The following ACTR8 variants were observed in gnomAD, a reference collection of about 807,000 sequenced individuals.
The protein encoded by ACTR8 is actin related protein 8.
Under a neutral mutation model 84.3 loss-of-function variants are expected in ACTR8, and 70 were observed. That is an observed-to-expected ratio of 0.83 (90% CI 0.68 to 1.01). ACTR8 has a LOEUF of 1.01. ACTR8 is among the 50% of genes least tolerant of loss of function. The pLI, the probability that ACTR8 is intolerant of heterozygous loss-of-function variation, is 0.00. For synonymous variants in ACTR8, 268 were observed against 275.2 expected, an observed-to-expected ratio of 0.97 and a Z score of 0.26; for missense variants, 672 against 775.4, an observed-to-expected ratio of 0.87 and a Z score of 1.58.
rs150705422 is a variant in ACTR8, at chr3:53,874,217, T to C, written c.1059A>G (p.Leu353=). 58 of 1,612,948 alleles carry C rather than the reference T, an allele frequency of 3.6e-5. No individual in the cohort carries two copies. Among genetic ancestry groups the C allele is most frequent in the Non-Finnish European group, 4.6e-5 (54 of 1,179,650 alleles). ...ATATTGATTCTGCTCCCACCTGATC[T>C]AAATGACAAAAAGTTTCTTTAAGGT... ...LQHLKETFCH[L]DQDISGLQDH... Residue 353 remains leucine, a synonymous_variant, in exon 8 of 13, where the codon TTA becomes TTG. Transcript: ENST00000335754.
At chr3:53,859,673 T>G in the ACTR8 span, 1 of 153,958 alleles carries the variant, frequency 6.5e-6, no homozygotes, top group South Asian at 2.0e-4. Flanking sequence ...TAGTTCCTAC[T>G]GTGAAAATGC....
chr3:53,865,645 G>C (rs534304389), downstream of ACTR8: 77 of 190,518 alleles, frequency 4.0e-4, no homozygotes, highest in African/African-American at 1.7e-3. Context: ...GAACTGTTTA[G>C]CTAATATTCT....
downstream of ACTR8, among the ~76,000 whole-genome samples, chr3:53,866,729 C>T (rs751136315): frequency 2.9e-4 from 44 of 152,318 alleles, no homozygotes; most frequent in Middle Eastern, 0.01. Flanking sequence ...GATCCACCCA[C>T]CTCAGCCTCT....
Position 53,871,381 on chromosome 3 carries a change from A to G in ACTR8, c.1418T>C (p.Leu473Ser). The change falls in exon 11 of 13, where the codon TTG (leucine) becomes TCG (serine). Residue 473 changes from leucine to serine, a missense_variant. Leu to Ser is a moderately radical substitution (Grantham distance 145, BLOSUM62 -2). Transcript: ENST00000335754. ...CAGGCCATCTCCCTGTGCAGACCCC[A>G]AATCTACCTCCTGGGAATGGAGTCT... ...PERLHSQEVD[L>S]GSAQGDGLMA... 6.2e-7 allele frequency: 1 copy of G among 1,614,222 alleles called. No individual in the cohort carries two copies. Among genetic ancestry groups the G allele is most frequent in the South Asian group, 1.1e-5 (1 of 91,086 alleles).
intron 1 of ACTR8, 37 bp downstream of exon 1, chr3:53,881,942 G>T: frequency 6.4e-7 from 1 of 1,553,728 alleles, no homozygotes; most frequent in African/African-American, 1.4e-5. Context: ...GAGGACCCAA[G>T]CAAGGGCAAA....
At chr3:53,863,815 C>A (rs935065467), downstream of ACTR8, among the ~76,000 whole-genome samples, 1 of 125,042 alleles carries the variant, frequency 8.0e-6, no homozygotes, top group Non-Finnish European at 1.6e-5. Flanking sequence ...TCACACACCT[C>A]AAAGTATTTT....
chr3:53,877,443 C>G, intron 4 of ACTR8, 56 bp from the exon 5 acceptor site: 1 of 1,504,998 alleles, frequency 6.6e-7, no homozygotes, highest in Non-Finnish European at 8.9e-7. Flanking sequence ...TCAAGGTTTT[C>G]TGGATTCATA....
chr3:53,864,076 G>A (rs1699678653), downstream of ACTR8, among the ~76,000 whole-genome samples: 1 of 152,076 alleles, frequency 6.6e-6, no homozygotes, highest in Non-Finnish European at 1.5e-5. Flanking sequence ...ACCAGCCTTG[G>A]CCTCCCAAAG....
Position 53,871,441 on chromosome 3 carries a change from C to A in ACTR8, c.1358G>T (p.Gly453Val), listed in dbSNP as rs1414333115. Residue 453 changes from glycine to valine, a missense_variant, in exon 11 of 13, where the codon GGG (glycine) becomes GTG (valine). Coordinates refer to ENST00000335754, the MANE Select transcript of ACTR8 (RefSeq NM_022899.5). ...ATCAGAGGACTGGCCACGAAGATCC[C>A]CTTCAAATCCAATAGGTTTGGATGC... ...KSASKPIGFE[G>V]DLRGQSSDLP... is the part of the protein sequence containing the mutation. The A allele has an allele frequency of 6.2e-7, 1 of 1,614,076 alleles. No homozygotes were observed. Among genetic ancestry groups the A allele is most frequent in the Non-Finnish European group, 8.5e-7 (1 of 1,180,052 alleles).
chr3:53,881,738 G>A (rs1445963668), intron 1 of ACTR8: 1 of 613,078 alleles, frequency 1.6e-6, no homozygotes, highest in Non-Finnish European at 2.8e-6. Context: ...ACGGTGGGGC[G>A]TGCGGGAGAT....
In ACTR8 at chr3:53,871,177, A is replaced by T. The variant is rs1576861395; in HGVS notation, c.1567+55T>A. 5 of 1,585,526 alleles carry T rather than the reference A, an allele frequency of 3.2e-6. No homozygotes were observed. In the East Asian group the frequency reaches 1.1e-4, roughly 36 times the overall value. On this transcript the variant is annotated intron_variant, in intron 11 of 12. Transcript: ENST00000335754. ...AGTATATCCTAGACTGAACCAATTT[A>T]TTTAACTGCTATCTTGTTTCACTGC...
rs1466652204 is a variant in ACTR8, at chr3:53,870,244, C to G, written c.1568-99G>C. 3 of 1,402,566 alleles carry G rather than the reference C, an allele frequency of 2.1e-6. No individual in the cohort carries two copies. Among genetic ancestry groups the G allele is most frequent in the Non-Finnish European group, 2.9e-6 (3 of 1,027,660 alleles). 86.9% of individuals were successfully genotyped at this position (1,402,566 alleles called of 1,614,324 possible). Reference sequence around the variant, plus strand: ...TTGCTTGAGCAAGTGCAATAGCCTTCTCAAAGATTTCCCTCCAGCCCACCC... The same window carrying G: ...TTGCTTGAGCAAGTGCAATAGCCTTGTCAAAGATTTCCCTCCAGCCCACCC... On this transcript the variant is annotated intron_variant, in intron 11 of 12. Coordinates refer to ENST00000335754, the MANE Select transcript of ACTR8 (RefSeq NM_022899.5). The surrounding 1 kb of genome is among the most constrained non-coding windows in gnomAD (Gnocchi z 4.1).
chr3:53,880,131 G>A, intron 1 of ACTR8, 22 bp from the exon 2 acceptor site: 1 of 1,600,526 alleles, frequency 6.2e-7, no homozygotes, highest in East Asian at 2.2e-5. Flanking sequence ...AAACATAGAT[G>A]TGTGACTTTG....
rs1453129531 is a variant in ACTR8, at chr3:53,870,930, G to C, written c.1567+302C>G. ...ATTCCTCAAATTATTACACAAATGT[G>C]AAAGTACCACTGGCAGGTGCTACAA... is the stretch of plus-strand genomic sequence containing the variant. On this transcript the variant is annotated intron_variant, in intron 11 of 12. Coordinates refer to ENST00000335754, the MANE Select transcript of ACTR8 (RefSeq NM_022899.5). The surrounding 1 kb of genome is among the most constrained non-coding windows in gnomAD (Gnocchi z 4.1). 6.6e-6 allele frequency among the ~76,000 whole-genome samples: 1 copy of C among 152,188 alleles called. No homozygotes were observed. The highest frequency in any genetic ancestry group is 6.5e-5 in the Admixed American group (1 of 15,288).
chr3:53,877,322 A>T lies in ACTR8; in HGVS notation c.576T>A (p.Asn192Lys), dbSNP rs769788988. 1 of 1,614,016 alleles carries T rather than the reference A, an allele frequency of 6.2e-7. No individual in the cohort carries two copies. The highest frequency in any genetic ancestry group is 1.7e-5 in the Admixed American group (1 of 59,990). Residue 192 changes from asparagine (N) to lysine (K), a missense_variant, in exon 5 of 13, where the codon AAT becomes AAA. Transcript: ENST00000335754. ...GAGAGCCCCCAGGGCCTGGGTGAAT[A>T]TTTAACTGACCTCTTCTGATAGGCC... is the stretch of plus-strand genomic sequence containing the variant. ...IHWPIRRGQL[N>K]IHPGPGGSLT...
In ACTR8 at chr3:53,874,240, G is replaced by A; in HGVS notation, c.1036C>T (p.Leu346Phe). The change falls in exon 8 of 13, where the codon CTT becomes TTT. Residue 346 changes from leucine to phenylalanine, a missense_variant. Leu to Phe is a conservative substitution (Grantham distance 22). Transcript: ENST00000335754. ...TCTAAATGACAAAAAGTTTCTTTAA[G>A]GTGTTGCAGAAGAAGACAATCCATT... ...NKMDCLLLQHLKETFCHLDQD... is the reference protein window; with the variant it reads ...NKMDCLLLQHFKETFCHLDQD... The A allele has an allele frequency of 2.5e-6, 4 of 1,613,852 alleles. No individual in the cohort carries two copies. The highest frequency in any genetic ancestry group is 3.4e-6 in the Non-Finnish European group (4 of 1,179,916).
intron 2 of ACTR8, among the ~76,000 whole-genome samples, chr3:53,879,407 A>C (rs904989398): frequency 2.0e-5 from 3 of 152,204 alleles, no homozygotes; most frequent in African/African-American, 7.2e-5. Flanking sequence ...TAATATATAG[A>C]TTTATCATTG....
intron 12 of ACTR8, 52 bp from the exon 13 acceptor site, chr3:53,868,914 A>G: frequency 6.4e-7 from 1 of 1,572,690 alleles, no homozygotes; most frequent in Non-Finnish European, 8.6e-7. Flanking sequence ...CATATACTCA[A>G]TCATTTACTT....
downstream of ACTR8, among the ~76,000 whole-genome samples, chr3:53,866,646 T>TAA (rs1332984169): frequency 7.6e-6 from 1 of 130,862 alleles, no homozygotes; most frequent in African/African-American, 2.9e-5. Flanking sequence ...CACACCCAGC[T>TAA]AACTTTTTAT....
Sources: allele counts gnomAD v4.1 joint callset (sites outside exome capture counted in the v4.1 genomes callset), GRCh38; gene constraint gnomAD v4.1.1; non-coding constraint Gnocchi (gnomAD v3.1); transcripts MANE v1.5; gene names NCBI Gene and HGNC (gene_info 2026-07-23, HGNC 2026-07-21).